The following METTL22 variants were observed in gnomAD, a reference collection of about 807,000 sequenced individuals.
METTL22 encodes the protein methyltransferase-like protein 22.
A neutral mutation model predicts 48.4 loss-of-function variants in METTL22; 51 were observed. The observed-to-expected ratio is 1.05, with a 90% confidence interval of 0.84 to 1.33. METTL22 has a LOEUF of 1.33. Ranked by LOEUF, METTL22 falls within the 40% of genes most tolerant of loss-of-function variation. METTL22 has a pLI of 0.00. For synonymous variants in METTL22, 255 were observed against 214.1 expected (o/e 1.19, Z -1.67); for missense variants, 678 against 526.9 (o/e 1.29, Z -2.81).
intron 6 of METTL22, chr16:8,639,375 A>T: frequency 1.7e-6 from 1 of 591,026 alleles, no homozygotes; most frequent in Non-Finnish European, 3.0e-6. Flanking sequence ...CCACTGCGTC[A>T]TCCTACTCCA....
At position 8,639,903 on chromosome 16, in the gene METTL22, C is replaced by T. The variant is rs982995721; in HGVS notation, c.772+741C>T. On this transcript the variant is annotated intron_variant, in intron 6 of 10. Coordinates refer to ENST00000381920, the MANE Select transcript of METTL22 (RefSeq NM_024109.4). ...TGCAGCGCCCCCCACCACCAACAGCCGACCTCACCGTCTTTCAAATCACAT... is the reference window on the plus strand; with the variant it reads ...TGCAGCGCCCCCCACCACCAACAGCTGACCTCACCGTCTTTCAAATCACAT... Among the ~76,000 whole-genome samples, 5 of 152,224 alleles carry T rather than the reference C, an allele frequency of 3.3e-5. No homozygotes were observed. In the South Asian group the frequency reaches 1.0e-3, roughly 32 times the overall value.
chr16:8,663,010 C>T, the METTL22 span, among the ~76,000 whole-genome samples: 1 of 148,846 alleles, frequency 6.7e-6, no homozygotes, highest in Non-Finnish European at 1.5e-5. Flanking sequence ...GAGTTCGAGA[C>T]CAGCCTGGCC....
intron 10 of METTL22, chr16:8,645,858 T>G: frequency 3.2e-6 from 4 of 1,231,524 alleles, no homozygotes; most frequent in African/African-American, 1.5e-5. Flanking sequence ...TCTGATTGTT[T>G]GACATCCTCT....
chr16:8,661,273 A>G, the METTL22 span, among the ~76,000 whole-genome samples: 1 of 152,064 alleles, frequency 6.6e-6, no homozygotes, highest in Non-Finnish European at 1.5e-5. Context: ...TATACATTGT[A>G]CAGCAGCACG....
chr16:8,628,834 G>T lies in METTL22; in HGVS notation c.238G>T (p.Ala80Ser). ...TGTTCACACAAAGGAGCCTCCTTCT[G>T]CTGAGACAGGCAGCACAGGGTCCCC... ...RDVHTKEPPS[A>S]ETGSTGSPPG... The change falls in exon 3 of 11, where the codon GCT (alanine) becomes TCT (serine). Residue 80 changes from alanine (A) to serine (S), a missense_variant. Ala to Ser is a moderately conservative substitution (Grantham distance 99). Transcript: ENST00000381920. 1 of 1,614,186 alleles carries T rather than the reference G, an allele frequency of 6.2e-7. No individual in the cohort carries two copies. Among genetic ancestry groups the T allele is most frequent in the Non-Finnish European group, 8.5e-7 (1 of 1,180,032 alleles).
At chr16:8,661,875 C>T in the METTL22 span, among the ~76,000 whole-genome samples, 2 of 144,916 alleles carry the variant, frequency 1.4e-5, no homozygotes, top group African/African-American at 5.2e-5. Context: ...GCCCAGCCTC[C>T]TGTACCCATT....
intron 6 of METTL22, chr16:8,639,377 CCTA>C: frequency 1.7e-6 from 1 of 589,950 alleles, no homozygotes; most frequent in Non-Finnish European, 3.0e-6. Context: ...ACTGCGTCAT[CCTA>C]CTCCAGCTCT....
In METTL22 at chr16:8,644,560, C is replaced by T. The variant is rs748503847; in HGVS notation, c.1014C>T (p.Leu338=). ...CTAILSVEKR[L]NFTLRHLDVT... ...CGTCCGACTGGCTGGTTTGCAGGCT[C>T]AACTTCACATTGAGACACTTGGACG... Residue 338 remains leucine, a synonymous_variant, in exon 10 of 11, where the codon CTC becomes CTT. Coordinates refer to ENST00000381920, the MANE Select transcript of METTL22 (RefSeq NM_024109.4). 2.6e-6 allele frequency: 4 copies of T among 1,544,090 alleles called. No homozygotes were observed. Among genetic ancestry groups the T allele is most frequent in the South Asian group, 1.2e-5 (1 of 82,938 alleles).
In METTL22 at chr16:8,648,921, C is replaced by G. The variant is rs992304816; in HGVS notation, c.*2778C>G. 1 of 152,248 alleles carries G rather than the reference C, an allele frequency of 6.6e-6. No homozygotes were observed. The highest frequency in any genetic ancestry group is 1.5e-5 in the Non-Finnish European group (1 of 68,076). The allele number at this position is 152,248 out of a possible 1,614,324, so 9.4% of individuals were successfully genotyped here. A position where few individuals can be genotyped will look rare whatever the true frequency, so the allele number is the denominator to read the frequency against. On this transcript the variant is annotated 3_prime_UTR_variant, in exon 11 of 11. Transcript: ENST00000381920. ...CTACCACATAGCCCTCAACCTATTGCTGTTTTCTAAAATTCCTACACAAAC... is the reference window on the plus strand; with the variant it reads ...CTACCACATAGCCCTCAACCTATTGGTGTTTTCTAAAATTCCTACACAAAC...
At chr16:8,650,387 C>G (rs1470681340), downstream of METTL22, among the ~76,000 whole-genome samples, 1 of 152,246 alleles carries the variant, frequency 6.6e-6, no homozygotes, top group Non-Finnish European at 1.5e-5. Flanking sequence ...AATCCTGCCT[C>G]TGCTGTGTAA....
rs114930948 is a variant in METTL22, at chr16:8,641,307, G to T, written c.826+123G>T. ...CAGCTGCTGCCACAGTCCCATCGGCGCATGGCAGCTTCTCTCCATTGGCCG... is the reference window on the plus strand; with the variant it reads ...CAGCTGCTGCCACAGTCCCATCGGCTCATGGCAGCTTCTCTCCATTGGCCG... On this transcript the variant is annotated intron_variant, in intron 7 of 10. Coordinates refer to ENST00000381920, the MANE Select transcript of METTL22 (RefSeq NM_024109.4). The T allele has an allele frequency of 7.2e-5, 67 of 932,436 alleles. 1 individual carries two copies. In the African/African-American group the frequency reaches 9.2e-4, roughly 13 times the overall value. 57.8% of individuals were successfully genotyped at this position (932,436 alleles called of 1,614,324 possible). A position where few individuals can be genotyped will look rare whatever the true frequency, so the allele number is the denominator to read the frequency against.
chr16:8,654,886 C>T, the METTL22 span, among the ~76,000 whole-genome samples: 1 of 152,176 alleles, frequency 6.6e-6, no homozygotes, highest in Non-Finnish European at 1.5e-5. Context: ...GCTGAAGTTC[C>T]ACCATAAGTT....
intron 3 of METTL22, among the ~76,000 whole-genome samples, chr16:8,631,090 G>T (rs1008034899): frequency 5.9e-5 from 9 of 152,154 alleles, no homozygotes; most frequent in African/African-American, 2.2e-4. Context: ...CCAGGAGCAG[G>T]GCCTGGCGCA....
At chr16:8,657,824 C>CTTT in the METTL22 span, among the ~76,000 whole-genome samples, 1 of 137,434 alleles carries the variant, frequency 7.3e-6, no homozygotes, top group African/African-American at 2.9e-5. Flanking sequence ...TCTTTTCTTT[C>CTTT]TTTTTTTTTT....
chr16:8,628,649 C>A, intron 2 of METTL22, 81 bp from the exon 3 acceptor site: 1 of 1,503,942 alleles, frequency 6.6e-7, no homozygotes, highest in East Asian at 2.3e-5. Context: ...TATTGGTAAT[C>A]AGATATTCTC....
At chr16:8,622,775 T>C (rs2055899094) in intron 1 of METTL22, among the ~76,000 whole-genome samples, 1 of 152,208 alleles carries the variant, frequency 6.6e-6, no homozygotes, top group Non-Finnish European at 1.5e-5. Flanking sequence ...GCCTCCTTAT[T>C]CCCAGATAGC....
At position 8,628,914 on chromosome 16, in the gene METTL22, C is replaced by T. The variant is rs188604671; in HGVS notation, c.318C>T (p.Thr106=). The change falls in exon 3 of 11, where the codon ACC becomes ACT. Residue 106 remains threonine, a synonymous_variant. Transcript: ENST00000381920. ...TCTCCCTCCAGGCCGGGACTGACAC[C>T]ACTGGCCAGGAAGTGGCTGAAGCTC... The part of the protein sequence containing the change: ...EGFSLQAGTD[T]TGQEVAEAQL... The T allele has an allele frequency of 2.7e-5, 43 of 1,613,994 alleles. No individual in the cohort carries two copies. The East Asian group carries it at 4.2e-4, about 16-fold the overall frequency.
intron 1 of METTL22, chr16:8,624,206 A>T (rs1384820383): frequency 6.6e-6 from 1 of 152,130 alleles, no homozygotes; most frequent in African/African-American, 2.4e-5. Context: ...GATTAGGTGA[A>T]ACGGTTGGAG....
chr16:8,661,534 T>A, the METTL22 span, among the ~76,000 whole-genome samples: 1 of 138,474 alleles, frequency 7.2e-6, no homozygotes, highest in South Asian at 2.4e-4. Flanking sequence ...TAGTCCCAGC[T>A]ACTGCGGAGG....
Sources: gnomAD v4.1 joint callset for allele counts (sites outside exome capture counted in the v4.1 genomes callset) on GRCh38, gnomAD v4.1.1 for gene constraint, MANE v1.5 for transcripts, NCBI Gene and HGNC (gene_info 2026-07-23, HGNC 2026-07-21) for gene names.